Variants in FAM76B observed in about 807,000 individuals in gnomAD.
FAM76B encodes family with sequence similarity 76 member B.
A neutral mutation model predicts 51.8 loss-of-function variants in FAM76B; 16 were observed. The ratio of observed to expected loss-of-function variants is 0.31; its 90% CI spans 0.21 to 0.47. The LOEUF (loss-of-function observed/expected upper bound fraction) is 0.47, where lower values mean the gene tolerates loss of function less well. Among genes scored for constraint, FAM76B ranks in the 20% least tolerant of loss-of-function variants. The pLI is 1.00. For missense variants in FAM76B, 342 were observed against 392.6 expected, an observed-to-expected ratio of 0.87 and a Z score of 1.09; for synonymous variants, 166 against 129.5, an observed-to-expected ratio of 1.28 and a Z score of -1.91.
chr11:95,771,636 T>C lies in FAM76B; in HGVS notation c.945A>G (p.Glu315=), dbSNP rs2120170357. 1.9e-6 allele frequency: 3 copies of C among 1,606,142 alleles called. No homozygotes were observed. The highest frequency in any genetic ancestry group is 2.6e-6 in the Non-Finnish European group (3 of 1,174,578). The change falls in exon 10 of 10, where the codon GAA becomes GAG. Residue 315 remains glutamate, a synonymous_variant. Coordinates refer to ENST00000358780, the MANE Select transcript of FAM76B (RefSeq NM_144664.5). ...TVEQLQAKNR[E]LLKQVAALSK... Reference sequence around the variant, plus strand: ...ATAATGCTGCGACCTGTTTGAGTAGTTCTCTGTTTTTGGCCTGTGGGAGAC... The same window carrying C: ...ATAATGCTGCGACCTGTTTGAGTAGCTCTCTGTTTTTGGCCTGTGGGAGAC...
rs571160742 is a variant in FAM76B, at chr11:95,785,526, T to C, written c.363+593A>G. On this transcript the variant is annotated intron_variant, in intron 4 of 9. Coordinates refer to ENST00000358780, the MANE Select transcript of FAM76B (RefSeq NM_144664.5). The stretch of plus-strand genomic sequence containing the variant: ...ATGTACCAGACATGCTGGAGGGACA[T>C]GTCTTATAATGGGATATGTACATTG... Among the ~76,000 whole-genome samples, 305 of 152,342 alleles carry C rather than the reference T, an allele frequency of 2.0e-3. 2 individuals are homozygous for C. Among genetic ancestry groups the C allele is most frequent in the Middle Eastern group, 0.01 (3 of 294 alleles).
chr11:95,778,594 G>A (rs1280789588), intron 8 of FAM76B, among the ~76,000 whole-genome samples: 3 of 151,300 alleles, frequency 2.0e-5, no homozygotes, highest in Non-Finnish European at 4.4e-5. Flanking sequence ...TTAAAGTTTG[G>A]AAATTACTAT....
chr11:95,771,661 C>A lies in FAM76B; in HGVS notation c.931-11G>T. On this transcript the variant is annotated splice_polypyrimidine_tract_variant and intron_variant, in intron 9 of 9. Coordinates refer to ENST00000358780, the MANE Select transcript of FAM76B (RefSeq NM_144664.5). The stretch of plus-strand genomic sequence containing the variant: ...TTCTCTGTTTTTGGCCTGTGGGAGA[C>A]AAAAACATTCAAGATTAAAAATGTT... The A allele has an allele frequency of 1.3e-6, 2 of 1,588,700 alleles. No homozygotes were observed. Among genetic ancestry groups the A allele is most frequent in the South Asian group, 1.1e-5 (1 of 88,978 alleles).
At chr11:95,774,107 G>T (rs930464504) in intron 9 of FAM76B, among the ~76,000 whole-genome samples, 3 of 151,324 alleles carry the variant, frequency 2.0e-5, no homozygotes, top group African/African-American at 7.3e-5. Flanking sequence ...TCAGGGAAGT[G>T]GCCTGATAGG....
At chr11:95,782,892 T>C (rs1018480114) in intron 5 of FAM76B, among the ~76,000 whole-genome samples, 173 bp downstream of exon 5, 1 of 152,210 alleles carries the variant, frequency 6.6e-6, no homozygotes, top group Non-Finnish European at 1.5e-5. Context: ...ATTTCATGTA[T>C]ATAACATTCT....
chr11:95,782,914 A>G, intron 5 of FAM76B, 151 bp downstream of exon 5: 2 of 907,088 alleles, frequency 2.2e-6, no homozygotes, highest in Non-Finnish European at 3.3e-6. Flanking sequence ...CACTGAATAA[A>G]ATGGAGACAC....
At position 95,789,416 on chromosome 11, in the gene FAM76B, G is replaced by A. The variant is rs776348862; in HGVS notation, c.63C>T (p.Leu21=). The stretch of plus-strand genomic sequence containing the variant: ...CCTTGCAGAGCTGCTGGCCCTGGGA[G>A]AGCTCCTCGAAAGGATAACGCTGGG... ...KCTQRYPFEE[L]SQGQQLCKEC... The change falls in exon 1 of 10, where the codon CTC becomes CTT. Residue 21 remains leucine, a synonymous_variant. Coordinates refer to ENST00000358780, the MANE Select transcript of FAM76B (RefSeq NM_144664.5). 2.1e-5 allele frequency: 34 copies of A among 1,607,326 alleles called. No homozygotes were observed. In the Admixed American group the frequency reaches 2.7e-4, roughly 13 times the overall value.
chr11:95,769,194 G>A lies in FAM76B; in HGVS notation c.*2367C>T, dbSNP rs533901432. On this transcript the variant is annotated 3_prime_UTR_variant, in exon 10 of 10. Transcript: ENST00000358780. ...TACTGGTAAATGCTAATTAATAGTGGAAAACAGGCTAAAAGCACAATACAC... is the reference window on the plus strand; with the variant it reads ...TACTGGTAAATGCTAATTAATAGTGAAAAACAGGCTAAAAGCACAATACAC... 2.4e-4 allele frequency: 37 copies of A among 152,316 alleles called. No homozygotes were observed. In the Admixed American group the frequency reaches 2.4e-3, roughly 10 times the overall value. The allele number at this position is 152,316 out of a possible 1,614,324, so 9.4% of individuals were successfully genotyped here. A position where few individuals can be genotyped will look rare whatever the true frequency, so the allele number is the denominator to read the frequency against.
At chr11:95,788,397 T>C in intron 2 of FAM76B, 102 bp downstream of exon 2, 4 of 1,002,698 alleles carry the variant, frequency 4.0e-6, no homozygotes, top group Non-Finnish European at 4.5e-6. Context: ...GGCTAAACCA[T>C]TTTTTAAAAA....
chr11:95,788,702 T>C, intron 1 of FAM76B, 139 bp from the exon 2 acceptor site: 1 of 1,216,072 alleles, frequency 8.2e-7, no homozygotes, highest in South Asian at 1.5e-5. Flanking sequence ...ACTGGATGCT[T>C]TATCATATAA....
Position 95,769,252 on chromosome 11 carries a change from T to TA in FAM76B, c.*2308dup, listed in dbSNP as rs771823483. 6.6e-5 allele frequency: 10 copies of TA among 152,302 alleles called. No homozygotes were observed. The highest frequency in any genetic ancestry group is 1.3e-4 in the Non-Finnish European group (9 of 67,856). 9.4% of individuals were successfully genotyped at this position (152,302 alleles called of 1,614,324 possible). A position where few individuals can be genotyped will look rare whatever the true frequency, so the allele number is the denominator to read the frequency against. ...TAGTATCTCCTTACAGGTCCACATT[T>TA]AAAGAATATCAGTTTATTATGTCAA... is the stretch of plus-strand genomic sequence containing the variant. On this transcript the variant is annotated 3_prime_UTR_variant, in exon 10 of 10. Coordinates refer to ENST00000358780, the MANE Select transcript of FAM76B (RefSeq NM_144664.5).
At chr11:95,772,912 T>C (rs924531776) in intron 9 of FAM76B, among the ~76,000 whole-genome samples, 3 of 151,164 alleles carry the variant, frequency 2.0e-5, no homozygotes, top group Admixed American at 6.6e-5. Context: ...TAATTTTTTA[T>C]GTTCAGATGC....
At chr11:95,772,343 C>T (rs2120175783) in intron 9 of FAM76B, among the ~76,000 whole-genome samples, 1 of 151,274 alleles carries the variant, frequency 6.6e-6, no homozygotes, top group East Asian at 1.9e-4. Context: ...TTCAAAATTT[C>T]ATTTCATCAT....
intron 9 of FAM76B, among the ~76,000 whole-genome samples, chr11:95,775,137 A>C (rs1340286799): frequency 6.6e-6 from 1 of 151,466 alleles, no homozygotes; most frequent in South Asian, 2.1e-4. Context: ...AAATTTTGTT[A>C]CTAAAGACTA....
chr11:95,787,756 C>A, intron 2 of FAM76B, 78 bp from the exon 3 acceptor site: 2 of 1,240,504 alleles, frequency 1.6e-6, no homozygotes, highest in South Asian at 2.7e-5. Flanking sequence ...TAAAATGAGT[C>A]AAAGATTTGT....
At chr11:95,777,766 A>G (rs947902080) in intron 8 of FAM76B, among the ~76,000 whole-genome samples, 2 of 151,498 alleles carry the variant, frequency 1.3e-5, no homozygotes, top group Non-Finnish European at 3.0e-5. Context: ...ACTGAATGCC[A>G]GAAGTAAAAG....
At position 95,789,601 on chromosome 11, in the gene FAM76B, C is replaced by G. The variant is rs759513495; in HGVS notation, c.-123G>C. The G allele has an allele frequency of 1.0e-3, 791 of 784,554 alleles. No individual in the cohort carries two copies. The highest frequency in any genetic ancestry group is 1.4e-3 in the Non-Finnish European group (711 of 520,442). The allele number at this position is 784,554 out of a possible 1,614,324, so 48.6% of individuals were successfully genotyped here. On this transcript the variant is annotated 5_prime_UTR_variant, in exon 1 of 10. Coordinates refer to ENST00000358780, the MANE Select transcript of FAM76B (RefSeq NM_144664.5). ...CCTCCCCCTCCCCCTGCCTCGCGCCCACCAGGGCCTCGCCGCGAGAGCCCA... is the reference window on the plus strand; with the variant it reads ...CCTCCCCCTCCCCCTGCCTCGCGCCGACCAGGGCCTCGCCGCGAGAGCCCA...
chr11:95,785,119 A>G (rs1860491747), intron 4 of FAM76B, among the ~76,000 whole-genome samples: 2 of 152,218 alleles, frequency 1.3e-5, no homozygotes, highest in African/African-American at 4.8e-5. Flanking sequence ...TAAAGACCAC[A>G]TTCATATAAC....
intron 3 of FAM76B, 121 bp downstream of exon 3, chr11:95,787,502 AG>A (rs1383480210): frequency 1.1e-6 from 1 of 882,660 alleles, no homozygotes; most frequent in African/African-American, 1.7e-5. Flanking sequence ...GGCCTCCCAA[AG>A]TGCTGGGATT....
Sources: gnomAD v4.1 joint callset for allele counts (sites outside exome capture counted in the v4.1 genomes callset) on GRCh38, gnomAD v4.1.1 for gene constraint, MANE v1.5 for transcripts, NCBI Gene and HGNC (gene_info 2026-07-23, HGNC 2026-07-21) for gene names.